TRIO: variants seen among roughly 807,000 people sequenced by gnomAD.
TRIO encodes the protein trio Rho guanine nucleotide exchange factor.
A neutral mutation model predicts 351.9 loss-of-function variants in TRIO; 58 were observed. The observed-to-expected ratio is 0.16, with a 90% CI of 0.13 to 0.21. The LOEUF is 0.21. TRIO is among the 10% of genes least tolerant of loss of function. The probability of loss-of-function intolerance (pLI) is 1.00; values close to 1 mark genes in which losing one functional copy is unlikely to be tolerated. For missense variants in TRIO, 3,201 were observed against 4,027.8 expected, an observed-to-expected ratio of 0.79 and a Z score of 5.56; for synonymous variants, 1,758 against 1,595.7, an observed-to-expected ratio of 1.10 and a Z score of -2.42.
At chr5:14,501,040 A>G (rs1335370438) in intron 53 of TRIO, among the ~76,000 whole-genome samples, 1 of 151,568 alleles carries the variant, frequency 6.6e-6, no homozygotes, top group Non-Finnish European at 1.5e-5. Flanking sequence ...TTTTCTGTAT[A>G]TATGTAATGC....
intron 1 of TRIO, among the ~76,000 whole-genome samples, chr5:14,237,343 C>A (rs939388863): frequency 6.6e-6 from 1 of 152,126 alleles, no homozygotes; most frequent in African/African-American, 2.4e-5. Flanking sequence ...TTGGGACATT[C>A]AACATGTAAC....
intron 48 of TRIO, among the ~76,000 whole-genome samples, chr5:14,491,471 CT>C (rs1378719086): frequency 2.0e-5 from 3 of 152,222 alleles, no homozygotes; most frequent in African/African-American, 7.2e-5. Context: ...TTCTCACATC[CT>C]AACTTGATAG....
At chr5:14,292,049 T>A (rs1259108642) in intron 5 of TRIO, among the ~76,000 whole-genome samples, 1 of 152,212 alleles carries the variant, frequency 6.6e-6, no homozygotes, top group African/African-American at 2.4e-5. Context: ...ACTGGGCACT[T>A]ACCCATAGGT....
intron 1 of TRIO, among the ~76,000 whole-genome samples, chr5:14,239,081 G>T (rs1440682769): frequency 6.6e-6 from 1 of 152,164 alleles, no homozygotes; most frequent in Admixed American, 6.5e-5. Flanking sequence ...CTAGGCTTGA[G>T]ATGTGCCCAG....
intron 37 of TRIO, among the ~76,000 whole-genome samples, chr5:14,468,640 A>G (rs1272515977): frequency 2.0e-5 from 3 of 152,246 alleles, no homozygotes; most frequent in Non-Finnish European, 4.4e-5. Flanking sequence ...CTAATGCATC[A>G]TTGTAATATC....
intron 1 of TRIO, among the ~76,000 whole-genome samples, chr5:14,222,026 T>G (rs1455260629): frequency 6.6e-6 from 1 of 151,978 alleles, no homozygotes; most frequent in Non-Finnish European, 1.5e-5. Context: ...CACCCCAGCC[T>G]TCAAGCAGCC....
At chr5:14,482,419 T>C (rs1755596520) in intron 45 of TRIO, 163 bp from the exon 46 acceptor site, 3 of 497,274 alleles carry the variant, frequency 6.0e-6, no homozygotes, top group Non-Finnish European at 9.8e-6. Flanking sequence ...TTATTCTGTT[T>C]AGAGCCAAGA....
intron 1 of TRIO, among the ~76,000 whole-genome samples, chr5:14,221,984 A>G (rs1792660074): frequency 6.6e-6 from 1 of 152,196 alleles, no homozygotes; most frequent in South Asian, 2.1e-4. Flanking sequence ...ATGCAGCTGC[A>G]TCACTGTCTT....
At chr5:14,310,354 CG>C (rs1738809320) in intron 8 of TRIO, among the ~76,000 whole-genome samples, 1 of 152,250 alleles carries the variant, frequency 6.6e-6, no homozygotes, top group East Asian at 1.9e-4. Flanking sequence ...GCTGCAGCCA[CG>C]GAGCACAAGC....
intron 13 of TRIO, 47 bp downstream of exon 13, chr5:14,359,578 C>G: frequency 2.5e-6 from 4 of 1,599,274 alleles, no homozygotes; most frequent in Non-Finnish European, 3.4e-6. Context: ...GAGCCCTTGG[C>G]TTCCTCCACA....
At chr5:14,200,883 CAA>C in intron 1 of TRIO, among the ~76,000 whole-genome samples, 1 of 152,132 alleles carries the variant, frequency 6.6e-6, no homozygotes, top group African/African-American at 2.4e-5. Context: ...TTGCTGTTTT[CAA>C]AGTTAGCCAA....
At chr5:14,495,339 A>G (rs1756802486) in intron 49 of TRIO, among the ~76,000 whole-genome samples, 1 of 152,214 alleles carries the variant, frequency 6.6e-6, no homozygotes, top group Admixed American at 6.5e-5. Flanking sequence ...CACTGTTGAA[A>G]TATTGGCAAA....
chr5:14,246,745 T>A (rs577453729), intron 1 of TRIO, among the ~76,000 whole-genome samples: 1 of 152,224 alleles, frequency 6.6e-6, no homozygotes, highest in East Asian at 1.9e-4. Context: ...AGGAAAAGGG[T>A]AACACTCTTT....
chr5:14,149,286 C>T (rs1787688452), intron 1 of TRIO, among the ~76,000 whole-genome samples: 5 of 152,174 alleles, frequency 3.3e-5, no homozygotes, highest in Admixed American at 2.0e-4. Flanking sequence ...AGTGAGGACT[C>T]CCAGCTTTTT....
chr5:14,258,087 G>A (rs1795129770), intron 1 of TRIO, among the ~76,000 whole-genome samples: 1 of 152,210 alleles, frequency 6.6e-6, no homozygotes, highest in African/African-American at 2.4e-5. Context: ...AGACACCTAA[G>A]TAACTGTTGA....
chr5:14,431,747 C>G (rs1282091875), intron 34 of TRIO, among the ~76,000 whole-genome samples: 1 of 152,060 alleles, frequency 6.6e-6, no homozygotes, highest in African/African-American at 2.4e-5. Context: ...GGGGATTAAA[C>G]AACAGACATT....
At chr5:14,216,280 G>C (rs1792217430) in intron 1 of TRIO, among the ~76,000 whole-genome samples, 1 of 152,192 alleles carries the variant, frequency 6.6e-6, no homozygotes, top group African/African-American at 2.4e-5. Context: ...CTCTTAGGTA[G>C]TTTATGAATG....
intron 1 of TRIO, among the ~76,000 whole-genome samples, chr5:14,230,105 C>T (rs1236279411): frequency 6.6e-6 from 1 of 152,182 alleles, no homozygotes; most frequent in Non-Finnish European, 1.5e-5. Flanking sequence ...CTATTGGCAA[C>T]TCATATATTA....
intron 37 of TRIO, chr5:14,465,853 T>A: frequency 1.7e-6 from 1 of 577,694 alleles, no homozygotes; most frequent in Non-Finnish European, 3.1e-6. Context: ...TGCAGTGTAT[T>A]CCCATGAAAG....
Sources: allele counts gnomAD v4.1 joint callset (sites outside exome capture counted in the v4.1 genomes callset), GRCh38; gene constraint gnomAD v4.1.1; transcripts MANE v1.5; gene names NCBI Gene and HGNC (gene_info 2026-07-23, HGNC 2026-07-21).